TERB1: variants seen among roughly 807,000 people sequenced by gnomAD.
TERB1 encodes the protein telomere repeat binding bouquet formation protein 1.
A neutral mutation model predicts 92.3 loss-of-function variants in TERB1; 63 were observed. The ratio of observed to expected loss-of-function variants is 0.68; its 90% CI spans 0.56 to 0.84. The LOEUF (loss-of-function observed/expected upper bound fraction) is 0.84. TERB1 is among the 40% of genes least tolerant of loss of function. TERB1 has a pLI of 0.00. For synonymous variants in TERB1, 252 were observed against 283.9 expected (o/e 0.89, Z 1.13); for missense variants, 709 against 843.7 (o/e 0.84, Z 1.98).
At chr16:66,789,290 T>TA (rs923148566) in intron 5 of TERB1, among the ~76,000 whole-genome samples, 3 of 150,240 alleles carry the variant, frequency 2.0e-5, no homozygotes, top group African/African-American at 2.5e-5. Context: ...AAAAATAAAT[T>TA]AAAAAAAAAT....
At chr16:66,767,549 G>GA in intron 15 of TERB1, 39 bp from the exon 16 acceptor site, 4 of 880,146 alleles carry the variant, frequency 4.5e-6, no homozygotes, top group Non-Finnish European at 7.0e-6. Flanking sequence ...TTGGATTAAT[G>GA]AAAAGAATCA....
At chr16:66,773,960 A>G (rs1016154616) in intron 12 of TERB1, among the ~76,000 whole-genome samples, 5 of 151,902 alleles carry the variant, frequency 3.3e-5, no homozygotes, top group African/African-American at 1.2e-4. Context: ...GCTCACTGCA[A>G]CCTCTGCCTC....
rs1306283965 is a variant in TERB1 at position 66,768,086 on chromosome 16, A to G, written c.1684+18T>C. ...TATCTGTTTTATTAAAAAACCAAAG[A>G]AACATTTTTAATCATACCTGTTACT... is the stretch of plus-strand genomic sequence containing the variant. On this transcript the variant is annotated intron_variant, in intron 15 of 18. Coordinates refer to ENST00000433154, the MANE Select transcript of TERB1 (RefSeq NM_001136505.2). The G allele has an allele frequency of 6.5e-7, 1 of 1,534,280 alleles. No homozygotes were observed. The highest frequency in any genetic ancestry group is 8.8e-7 in the Non-Finnish European group (1 of 1,132,188).
At chr16:66,799,881 G>A (rs1020583116) in intron 2 of TERB1, among the ~76,000 whole-genome samples, 1 of 152,134 alleles carries the variant, frequency 6.6e-6, no homozygotes, top group Non-Finnish European at 1.5e-5. Flanking sequence ...CAAACAAGGA[G>A]ATTTCAAAAT....
chr16:66,758,939 A>G (rs898181185), intron 17 of TERB1, 101 bp from the exon 18 acceptor site: 1 of 973,600 alleles, frequency 1.0e-6, no homozygotes, highest in Non-Finnish European at 1.5e-6. Context: ...GTCTAGTGGG[A>G]ATACTTAGAT....
At chr16:66,764,767 G>A (rs2018310446) in intron 16 of TERB1, among the ~76,000 whole-genome samples, 1 of 152,226 alleles carries the variant, frequency 6.6e-6, no homozygotes. Context: ...CAGACAAATA[G>A]TGGCAACACT....
At chr16:66,775,583 G>C (rs557413361) in intron 11 of TERB1, among the ~76,000 whole-genome samples, 2 of 152,148 alleles carry the variant, frequency 1.3e-5, no homozygotes, top group African/African-American at 4.8e-5. Context: ...GCAGTGAGCC[G>C]AGGTCGCACC....
At chr16:66,771,669 ACACACACACACG>A (rs2018454552) in intron 13 of TERB1, among the ~76,000 whole-genome samples, 1 of 150,314 alleles carries the variant, frequency 6.7e-6, no homozygotes, top group South Asian at 2.2e-4. Context: ...ACACACACAC[ACACACACACACG>A]GGTACATGTG....
At chr16:66,784,854 G>A (rs980601473) in intron 9 of TERB1, among the ~76,000 whole-genome samples, 4 of 146,338 alleles carry the variant, frequency 2.7e-5, no homozygotes, top group African/African-American at 7.6e-5. Flanking sequence ...TCCTGCCTCC[G>A]CCTCCTGAGT....
intron 2 of TERB1, among the ~76,000 whole-genome samples, chr16:66,798,314 A>G (rs1437199593): frequency 1.3e-5 from 2 of 151,778 alleles, no homozygotes; most frequent in Non-Finnish European, 2.9e-5. Flanking sequence ...CGAGTAGCTG[A>G]GTCTACAGGC....
At chr16:66,765,703 C>T (rs112336360) in intron 16 of TERB1, among the ~76,000 whole-genome samples, 86 of 151,934 alleles carry the variant, frequency 5.7e-4, no homozygotes, top group African/African-American at 2.0e-3. Context: ...GGTAATCCAC[C>T]CGCCTCGGCC....
chr16:66,762,340 T>C (rs1217071922), intron 16 of TERB1, among the ~76,000 whole-genome samples: 1 of 152,236 alleles, frequency 6.6e-6, no homozygotes, highest in African/African-American at 2.4e-5. Context: ...ATTTCATCTG[T>C]AAATACTTCA....
intron 16 of TERB1, among the ~76,000 whole-genome samples, chr16:66,763,192 C>A (rs918161767): frequency 1.4e-5 from 2 of 146,682 alleles, no homozygotes. Flanking sequence ...GCTGGACTTG[C>A]ACTCCTGGGC....
At chr16:66,793,804 C>T (rs918428102) in intron 3 of TERB1, among the ~76,000 whole-genome samples, 4 of 152,036 alleles carry the variant, frequency 2.6e-5, no homozygotes, top group Admixed American at 6.5e-5. Flanking sequence ...TGAGCCACCA[C>T]GCCCGGCCAT....
At chr16:66,789,075 CA>C (rs1415341431) in intron 5 of TERB1, among the ~76,000 whole-genome samples, 2 of 119,790 alleles carry the variant, frequency 1.7e-5, no homozygotes, top group Non-Finnish European at 3.6e-5. Context: ...GATAGCATAA[CA>C]AAATAACCAT....
chr16:66,781,962 T>C (rs1263038102), intron 9 of TERB1, among the ~76,000 whole-genome samples: 4 of 152,230 alleles, frequency 2.6e-5, no homozygotes, highest in African/African-American at 9.6e-5. Context: ...TTTATGCTTT[T>C]TGTGTCCTTA....
chr16:66,790,900 A>G lies in TERB1; in HGVS notation c.142+9T>C, dbSNP rs1398364710. On this transcript the variant is annotated intron_variant, in intron 4 of 18. Coordinates refer to ENST00000433154, the MANE Select transcript of TERB1 (RefSeq NM_001136505.2). ...GAATCACAGATAAAAATTCACTATT[A>G]TATCTTACTGTTTTGTTGACAAATT... The G allele has an allele frequency of 1.3e-6, 2 of 1,517,588 alleles. No homozygotes were observed. The highest frequency in any genetic ancestry group is 8.9e-7 in the Non-Finnish European group (1 of 1,118,570). The allele number at this position is 1,517,588 out of a possible 1,614,324, so 94.0% of individuals were successfully genotyped here. A position where few individuals can be genotyped will look rare whatever the true frequency, so the allele number is the denominator to read the frequency against.
Position 66,791,005 on chromosome 16 carries a change from G to T in TERB1, c.46C>A (p.Leu16Met). The T allele has an allele frequency of 6.5e-7, 1 of 1,527,818 alleles. No individual in the cohort carries two copies. The highest frequency in any genetic ancestry group is 2.5e-5 in the East Asian group (1 of 40,536). 94.6% of individuals were successfully genotyped at this position (1,527,818 alleles called of 1,614,324 possible). A position where few individuals can be genotyped will look rare whatever the true frequency, so the allele number is the denominator to read the frequency against. Residue 16 changes from leucine (L) to methionine (M), a missense_variant, in exon 4 of 19, where the codon CTG becomes ATG. Physicochemically the swap from Leu to Met is conservative, Grantham distance 15 (BLOSUM62 2). Coordinates refer to ENST00000433154, the MANE Select transcript of TERB1 (RefSeq NM_001136505.2). The stretch of plus-strand genomic sequence containing the variant: ...TTTAGACACTCCAATAATAAGTTCA[G>T]GTCAGTCTTCATTTCTAAAGAACAA... ...TKKTQEMKTDLNLLLECLKYQ... is the reference protein window; with the variant it reads ...TKKTQEMKTDMNLLLECLKYQ...
intron 9 of TERB1, among the ~76,000 whole-genome samples, chr16:66,782,376 C>A (rs941996892): frequency 2.6e-5 from 4 of 151,890 alleles, no homozygotes; most frequent in African/African-American, 9.7e-5. Context: ...ATGGTGAAAC[C>A]CCATCTCTAC....
Sources: gnomAD v4.1 joint callset for allele counts (sites outside exome capture counted in the v4.1 genomes callset) on GRCh38, gnomAD v4.1.1 for gene constraint, MANE v1.5 for transcripts, NCBI Gene and HGNC (gene_info 2026-07-23, HGNC 2026-07-21) for gene names.